The following POLQ variants were observed in gnomAD, a reference collection of about 807,000 sequenced individuals.
POLQ encodes DNA polymerase theta.
In POLQ, 233 loss-of-function variants were observed where a neutral mutation model predicts 259.2. The ratio of observed to expected loss-of-function variants is 0.90; its 90% confidence interval spans 0.81 to 1.00. The LOEUF is 1.00. Among genes scored for constraint, POLQ ranks in the 50% least tolerant of loss-of-function variants. POLQ has a pLI of 0.00. For missense variants in POLQ, 2,871 were observed against 3,051.6 expected (o/e 0.94, Z 1.39); for synonymous variants, 1,025 against 1,048.8 (o/e 0.98, Z 0.44).
chr3:121,479,362 ATGTG>A (rs71133538), intron 19 of POLQ, among the ~76,000 whole-genome samples: 61 of 142,696 alleles, frequency 4.3e-4, no homozygotes, highest in South Asian at 6.6e-4. Context: ...AAAAAAAAAA[ATGTG>A]TGTGTGTGTG....
intron 28 of POLQ, among the ~76,000 whole-genome samples, chr3:121,433,985 GCAA>G: frequency 6.6e-6 from 1 of 152,330 alleles, no homozygotes; most frequent in South Asian, 2.1e-4. Context: ...TGAGGCTGCA[GCAA>G]GCTGCTTCCA....
rs143694031 is a variant in POLQ at position 121,478,776 on chromosome 3, A to G, written c.6212-2043T>C. On this transcript the variant is annotated intron_variant, in intron 19 of 29. Coordinates refer to ENST00000264233, the MANE Select transcript of POLQ (RefSeq NM_199420.4). ...AAGAATAAAAATCATTATTTGTAATACAGATGGTCATAATACAATAATAGA... is the reference window on the plus strand; with the variant it reads ...AAGAATAAAAATCATTATTTGTAATGCAGATGGTCATAATACAATAATAGA... 8.2e-3 allele frequency among the ~76,000 whole-genome samples: 1,253 copies of G among 152,290 alleles called. 13 individuals are homozygous for G. The highest frequency in any genetic ancestry group is 0.013 in the Non-Finnish European group (915 of 68,010).
At chr3:121,452,244 T>G (rs1042507691) in intron 25 of POLQ, among the ~76,000 whole-genome samples, 1 of 152,092 alleles carries the variant, frequency 6.6e-6, no homozygotes, top group African/African-American at 2.4e-5. Context: ...CCAGGTGAGG[T>G]GATGCCTCGC....
At chr3:121,523,293 T>G (rs2048350525) in intron 7 of POLQ, among the ~76,000 whole-genome samples, 2 of 152,216 alleles carry the variant, frequency 1.3e-5, no homozygotes, top group African/African-American at 2.4e-5. Flanking sequence ...GTGCTGAGAT[T>G]ACAGGCATGA....
chr3:121,448,448 C>T lies in POLQ; in HGVS notation c.7264+867G>A, dbSNP rs190213433. On this transcript the variant is annotated intron_variant, in intron 26 of 29. Coordinates refer to ENST00000264233, the MANE Select transcript of POLQ (RefSeq NM_199420.4). ...AATGGCGTGATCTCGGCTCACTGCACCTCCGCCTCCCAGGTTCAAGTGATT... is the reference window on the plus strand; with the variant it reads ...AATGGCGTGATCTCGGCTCACTGCATCTCCGCCTCCCAGGTTCAAGTGATT... 2.6e-5 allele frequency among the ~76,000 whole-genome samples: 4 copies of T among 151,948 alleles called. No individual in the cohort carries two copies. The East Asian group carries it at 7.7e-4, about 29-fold the overall frequency.
At chr3:121,524,437 C>T (rs1164063241) in intron 7 of POLQ, among the ~76,000 whole-genome samples, 3 of 152,044 alleles carry the variant, frequency 2.0e-5, no homozygotes, top group Non-Finnish European at 4.4e-5. Context: ...TTGAGCACCA[C>T]AGACTAGTAA....
Position 121,476,657 on chromosome 3 carries a change from A to G in POLQ, c.6288T>C (p.Thr2096=), listed in dbSNP as rs773513311. Residue 2096 remains threonine, a synonymous_variant, in exon 20 of 30, where the codon ACT becomes ACC. Coordinates refer to ENST00000264233, the MANE Select transcript of POLQ (RefSeq NM_199420.4). ...LLELNGIGFS[T]AECESQKHIM... ...TATGTTTCTGACTTTCACATTCTGCAGTACTAAAGCCAATTCCATTTAGTT... is the reference window on the plus strand; with the variant it reads ...TATGTTTCTGACTTTCACATTCTGCGGTACTAAAGCCAATTCCATTTAGTT... 1 of 1,613,730 alleles carries G rather than the reference A, an allele frequency of 6.2e-7. No individual in the cohort carries two copies. Among genetic ancestry groups the G allele is most frequent in the South Asian group, 1.1e-5 (1 of 91,078 alleles).
intron 8 of POLQ, 98 bp downstream of exon 8, chr3:121,521,905 A>T: frequency 2.3e-6 from 2 of 855,380 alleles, no homozygotes; most frequent in Non-Finnish European, 3.5e-6. Flanking sequence ...TAAGGACATT[A>T]AGTGTGTTTA....
intron 25 of POLQ, among the ~76,000 whole-genome samples, chr3:121,458,921 C>G (rs948850451): frequency 6.6e-6 from 1 of 152,200 alleles, no homozygotes; most frequent in African/African-American, 2.4e-5. Flanking sequence ...CTGTGAGGAA[C>G]TAGAAATGTA....
chr3:121,453,634 G>A (rs1339691783), intron 25 of POLQ, among the ~76,000 whole-genome samples: 1 of 152,082 alleles, frequency 6.6e-6, no homozygotes, highest in Non-Finnish European at 1.5e-5. Flanking sequence ...GGAAGAAAGG[G>A]TATCAGTGAT....
chr3:121,455,362 A>T (rs2047724519), intron 25 of POLQ, among the ~76,000 whole-genome samples: 1 of 145,656 alleles, frequency 6.9e-6, no homozygotes, highest in African/African-American at 2.6e-5. Context: ...AGCTAGCAGA[A>T]GGCAAGAAAT....
At position 121,468,331 on chromosome 3, in the gene POLQ, T is replaced by C. The variant is rs746810489; in HGVS notation, c.6819A>G (p.Val2273=). 3 of 1,613,222 alleles carry C rather than the reference T, an allele frequency of 1.9e-6. No individual in the cohort carries two copies. The East Asian group carries it at 6.7e-5, about 36-fold the overall frequency. ...LVGESPPSQA[V]GKGLLPMGRG... is the part of the protein sequence containing the mutation. Reference sequence around the variant, plus strand: ...TGCCCATGGGAAGTAGGCCTTTGCCTACAGCTTGAGAAGGTGGGCTTTCTC... The same window carrying C: ...TGCCCATGGGAAGTAGGCCTTTGCCCACAGCTTGAGAAGGTGGGCTTTCTC... Residue 2273 remains valine (V), a synonymous_variant, in exon 23 of 30, where the codon GTA becomes GTG. Transcript: ENST00000264233.
chr3:121,467,735 A>C (rs879213593), intron 23 of POLQ, 95 bp from the exon 24 acceptor site: 1 of 1,293,508 alleles, frequency 7.7e-7, no homozygotes, highest in African/African-American at 1.5e-5. Context: ...TCCGTCTAAG[A>C]AACTTAATAA....
At chr3:121,500,888 CCAGTGAGATGACATATTCTAAATG>C (rs1271870963) in intron 12 of POLQ, among the ~76,000 whole-genome samples, 1 of 152,146 alleles carries the variant, frequency 6.6e-6, no homozygotes, top group African/African-American at 2.4e-5. Context: ...AACAAGAAGG[CCAGTGAGATGACATATTCTAAATG>C]CAGTGAGATG....
Position 121,488,523 on chromosome 3 carries a change from C to G in POLQ, c.4408G>C (p.Gly1470Arg), listed in dbSNP as rs764909287. 2.5e-6 allele frequency: 4 copies of G among 1,610,748 alleles called. No homozygotes were observed. In the South Asian group the frequency reaches 4.4e-5, roughly 18 times the overall value. The change falls in exon 16 of 30, where the codon GGT (glycine) becomes CGT (arginine). Residue 1470 changes from glycine (G) to arginine (R), a missense_variant. Around this residue, in one of 3 missense-constraint regions of POLQ, gnomAD observed 2,080 missense variants for 2,126.0 expected, o/e 0.98. Transcript: ENST00000264233. ...ACTGGAAGACATTCTCCTTCTACACCAGTGGGAGTTCTCTTTTGAGGAATC... is the reference window on the plus strand; with the variant it reads ...ACTGGAAGACATTCTCCTTCTACACGAGTGGGAGTTCTCTTTTGAGGAATC... ...LLIPQKRTPT[G>R]VEGECLPVPE...
intron 25 of POLQ, among the ~76,000 whole-genome samples, chr3:121,455,743 T>C (rs1067917): frequency 0.015 from 2,245 of 152,226 alleles, 24 homozygotes; most frequent in Non-Finnish European, 0.022. Flanking sequence ...CAATAATCAA[T>C]AGCTTACCAA....
chr3:121,483,585 TTAAA>T lies in POLQ; in HGVS notation c.5774-7_5774-4del. On this transcript the variant is annotated splice_region_variant and splice_polypyrimidine_tract_variant and intron_variant, in intron 17 of 29. Transcript: ENST00000264233. ...TGGAACCAAACTGGCACTAATTTCT[TTAAA>T]AAAAAAAAAAAAAAGGAAAAAACAT... is the stretch of plus-strand genomic sequence containing the variant. 1 of 1,474,000 alleles carries T rather than the reference TTAAA, an allele frequency of 6.8e-7. No homozygotes were observed. 91.3% of individuals were successfully genotyped at this position (1,474,000 alleles called of 1,614,324 possible).
At chr3:121,475,490 C>A (rs1013958727) in intron 20 of POLQ, among the ~76,000 whole-genome samples, 4 of 151,868 alleles carry the variant, frequency 2.6e-5, no homozygotes, top group Admixed American at 6.6e-5. Flanking sequence ...AGAAAAAAAA[C>A]CAAGCAACTG....
rs115116950 is a variant in POLQ at position 121,450,661 on chromosome 3, G to A, written c.7153-1235C>T. On this transcript the variant is annotated intron_variant, in intron 25 of 29. Coordinates refer to ENST00000264233, the MANE Select transcript of POLQ (RefSeq NM_199420.4). Reference sequence around the variant, plus strand: ...TAGGCTTTCTGCAGAGAGAACTGGTGTTAGTCTGATGGGCTTCCCTTTGTG... The same window carrying A: ...TAGGCTTTCTGCAGAGAGAACTGGTATTAGTCTGATGGGCTTCCCTTTGTG... Among the ~76,000 whole-genome samples, 828 of 152,264 alleles carry A rather than the reference G, an allele frequency of 5.4e-3. 12 individuals carry two copies. Among genetic ancestry groups the A allele is most frequent in the African/African-American group, 0.019 (794 of 41,536 alleles).
Sources: allele counts gnomAD v4.1 joint callset (sites outside exome capture counted in the v4.1 genomes callset), GRCh38; gene constraint gnomAD v4.1.1; regional missense constraint gnomAD v4.1.1; transcripts MANE v1.5; gene names NCBI Gene and HGNC (gene_info 2026-07-23, HGNC 2026-07-21).